FHOD3: variants seen among roughly 807,000 people sequenced by gnomAD.
FHOD3 encodes FH1/FH2 domain-containing protein 3.
A neutral mutation model predicts 173.0 loss-of-function variants in FHOD3; 90 were observed. The observed-to-expected ratio is 0.52, with a 90% CI of 0.44 to 0.62. FHOD3 has a LOEUF of 0.62. Ranked by LOEUF, FHOD3 falls within the 20% of genes least tolerant of loss-of-function variation. The probability of loss-of-function intolerance (pLI) is 0.00; values close to 1 mark genes in which losing one functional copy is unlikely to be tolerated. For missense variants in FHOD3, 1,945 were observed against 2,034.7 expected, an observed-to-expected ratio of 0.96 and a Z score of 0.85; for synonymous variants, 828 against 823.0, an observed-to-expected ratio of 1.01 and a Z score of -0.10.
intron 10 of FHOD3, among the ~76,000 whole-genome samples, chr18:36,638,058 A>G (rs1270591463): frequency 6.6e-6 from 1 of 152,200 alleles, no homozygotes; most frequent in Non-Finnish European, 1.5e-5. Context: ...TGGTCAAAGG[A>G]GACTTAACTG....
At chr18:36,516,217 T>C (rs16967917) in intron 5 of FHOD3, among the ~76,000 whole-genome samples, 1,540 of 152,290 alleles carry the variant, frequency 0.01, 20 homozygotes, top group African/African-American at 0.035. Context: ...GTTTTAACTG[T>C]GCTGTCTTCG....
intron 10 of FHOD3, among the ~76,000 whole-genome samples, chr18:36,626,440 A>G (rs574031836): frequency 3.9e-5 from 6 of 152,344 alleles, no homozygotes; most frequent in Middle Eastern, 3.4e-3. Context: ...TTTAAAGTAT[A>G]AAGTTTGACA....
chr18:36,755,175 A>G lies in FHOD3; in HGVS notation c.4289A>G (p.Asn1430Ser). 6.2e-7 allele frequency: 1 copy of G among 1,612,434 alleles called. No individual in the cohort carries two copies. The highest frequency in any genetic ancestry group is 1.1e-5 in the South Asian group (1 of 90,898). Residue 1430 changes from asparagine to serine, a missense_variant, in exon 25 of 29, where the codon AAC (asparagine) becomes AGC (serine). Physicochemically the swap from Asn to Ser is conservative, Grantham distance 46 (BLOSUM62 1). Around this residue, in one of 5 missense-constraint regions of FHOD3, gnomAD observed 354 missense variants for 359.9 expected, o/e 0.98. Coordinates refer to ENST00000590592, the MANE Select transcript of FHOD3 (RefSeq NM_001281740.3). ...CCACCTTATGCAATTCGGGAAGTGAACATAAACAAATTCTGCAGGATTATT... is the reference window on the plus strand; with the variant it reads ...CCACCTTATGCAATTCGGGAAGTGAGCATAAACAAATTCTGCAGGATTATT... ...GHPPYAIREV[N>S]INKFCRIISE... is the part of the protein sequence containing the mutation.
chr18:36,680,431 A>G (rs149868786), intron 14 of FHOD3, among the ~76,000 whole-genome samples: 2 of 152,198 alleles, frequency 1.3e-5, no homozygotes, highest in African/African-American at 4.8e-5. Flanking sequence ...TTTCATAAAT[A>G]TTTTTCTCTT....
At position 36,297,911 on chromosome 18, in the gene FHOD3, A is replaced by G; in HGVS notation, c.76A>G (p.Ser26Gly). Residue 26 changes from serine (S) to glycine (G), a missense_variant, in exon 1 of 29, where the codon AGC becomes GGC. Physicochemically the swap from Ser to Gly is moderately conservative, Grantham distance 56. This residue lies in a region of FHOD3 where 245 missense variants were observed against 267.7 expected (regional missense o/e 0.92). Coordinates refer to ENST00000590592, the MANE Select transcript of FHOD3 (RefSeq NM_001281740.3). ...CAACAGCACCAACTTCCCCGAGCCC[A>G]GCCGGCCGCCGCTGTTCACGTTCCG... ...PFNSTNFPEPSRPPLFTFRED... is the reference protein window; with the variant it reads ...PFNSTNFPEPGRPPLFTFRED... 1 of 1,559,180 alleles carries G rather than the reference A, an allele frequency of 6.4e-7. No individual in the cohort carries two copies. Among genetic ancestry groups the G allele is most frequent in the Non-Finnish European group, 8.7e-7 (1 of 1,153,234 alleles).
At chr18:36,729,279 G>C (rs2041232816) in intron 19 of FHOD3, among the ~76,000 whole-genome samples, 1 of 152,200 alleles carries the variant, frequency 6.6e-6, no homozygotes, top group South Asian at 2.1e-4. Context: ...AAGGAAACCT[G>C]AGCAAGAGCA....
chr18:36,405,741 A>G (rs567628456), intron 3 of FHOD3, among the ~76,000 whole-genome samples: 23 of 152,384 alleles, frequency 1.5e-4, no homozygotes, highest in African/African-American at 5.3e-4. Context: ...CTGTGAACAT[A>G]CCAAAATATG....
At chr18:36,564,880 A>G (rs2058210634) in intron 5 of FHOD3, among the ~76,000 whole-genome samples, 4 of 152,128 alleles carry the variant, frequency 2.6e-5, no homozygotes, top group Admixed American at 2.0e-4. Flanking sequence ...GTAATTTAAG[A>G]CTGCTTTAGA....
chr18:36,672,155 T>C (rs561105660), intron 14 of FHOD3, among the ~76,000 whole-genome samples: 4 of 152,338 alleles, frequency 2.6e-5, no homozygotes, highest in East Asian at 3.9e-4. Flanking sequence ...AAGATAACTT[T>C]AATTGCTTCA....
chr18:36,393,592 A>T (rs916774365), intron 3 of FHOD3, among the ~76,000 whole-genome samples: 13 of 152,142 alleles, frequency 8.5e-5, no homozygotes, highest in Admixed American at 5.2e-4. Flanking sequence ...GCTGTCCGTA[A>T]TCCCCACCAA....
chr18:36,371,033 C>T (rs1893271), intron 2 of FHOD3, among the ~76,000 whole-genome samples: 64,985 of 152,046 alleles, frequency 0.43, 14,859 homozygotes, highest in East Asian at 0.66. Flanking sequence ...AATCTGTGTT[C>T]ACAGGAATCT....
At chr18:36,385,357 G>T (rs2047978908) in intron 3 of FHOD3, among the ~76,000 whole-genome samples, 1 of 152,072 alleles carries the variant, frequency 6.6e-6, no homozygotes, top group Non-Finnish European at 1.5e-5. Context: ...TTAGCTGCTG[G>T]CATTGGTGTT....
intron 20 of FHOD3, among the ~76,000 whole-genome samples, chr18:36,732,432 C>T (rs1305594309): frequency 6.6e-6 from 1 of 152,192 alleles, no homozygotes; most frequent in Non-Finnish European, 1.5e-5. Context: ...GGGAAATGCA[C>T]TTCTTTCCTG....
intron 1 of FHOD3, among the ~76,000 whole-genome samples, chr18:36,305,336 C>A (rs908602246): frequency 6.6e-6 from 1 of 152,110 alleles, no homozygotes; most frequent in Non-Finnish European, 1.5e-5. Context: ...AAAAGAAAAT[C>A]TTAAAATTTT....
At chr18:36,479,370 A>T (rs1414604666) in intron 3 of FHOD3, among the ~76,000 whole-genome samples, 1 of 152,190 alleles carries the variant, frequency 6.6e-6, no homozygotes, top group African/African-American at 2.4e-5. Context: ...CGGGTCCCGG[A>T]GTGAGCTGCA....
At chr18:36,486,253 G>A (rs1404992293) in intron 3 of FHOD3, among the ~76,000 whole-genome samples, 1 of 152,008 alleles carries the variant, frequency 6.6e-6, no homozygotes, top group Non-Finnish European at 1.5e-5. Context: ...AACATATGGG[G>A]GCTACACTTG....
At chr18:36,562,647 T>C (rs1252728922) in intron 5 of FHOD3, among the ~76,000 whole-genome samples, 1 of 152,184 alleles carries the variant, frequency 6.6e-6, no homozygotes, top group African/African-American at 2.4e-5. Flanking sequence ...CGTGGAATCT[T>C]AGGTTATTCC....
chr18:36,488,192 T>C (rs2054285297), intron 3 of FHOD3, among the ~76,000 whole-genome samples: 1 of 152,228 alleles, frequency 6.6e-6, no homozygotes, highest in Non-Finnish European at 1.5e-5. Flanking sequence ...GCAGGTGAAC[T>C]GCTGAGTTTT....
chr18:36,431,813 C>T (rs531114240), intron 3 of FHOD3, among the ~76,000 whole-genome samples: 4 of 152,144 alleles, frequency 2.6e-5, no homozygotes, highest in African/African-American at 4.8e-5. Context: ...AGAGTAACCA[C>T]GACTGTTTGC....
Sources: allele counts gnomAD v4.1 joint callset (sites outside exome capture counted in the v4.1 genomes callset), GRCh38; gene constraint gnomAD v4.1.1; regional missense constraint gnomAD v4.1.1; transcripts MANE v1.5; gene names NCBI Gene and HGNC (gene_info 2026-07-23, HGNC 2026-07-21).